The following CDC42BPB variants were observed in gnomAD, a reference collection of about 807,000 sequenced individuals.
CDC42BPB encodes the protein serine/threonine-protein kinase MRCK beta.
In CDC42BPB, 37 loss-of-function variants were observed where a neutral mutation model predicts 214.9. The observed-to-expected ratio is 0.17, with a 90% confidence interval of 0.13 to 0.23. The LOEUF is 0.23. Among genes scored for constraint, CDC42BPB ranks in the 10% least tolerant of loss-of-function variants. The pLI, the probability that CDC42BPB is intolerant of heterozygous loss-of-function variation, is 1.00. For synonymous variants in CDC42BPB, 931 were observed against 884.0 expected (o/e 1.05, Z -0.94); for missense variants, 1,694 against 2,227.0 (o/e 0.76, Z 4.82).
At position 102,943,497 on chromosome 14, in the gene CDC42BPB, A is replaced by G. The variant is rs140111728; in HGVS notation, c.4408+394T>C. On this transcript the variant is annotated intron_variant, in intron 30 of 36. Transcript: ENST00000361246. The surrounding 1 kb of genome is among the most constrained non-coding windows in gnomAD (Gnocchi z 4.6). Reference sequence around the variant, plus strand: ...GGTGAATTATTTTCTGGCCACCAAAACCCCTCAAGCTTGTCTTTACTACTG... The same window carrying G: ...GGTGAATTATTTTCTGGCCACCAAAGCCCCTCAAGCTTGTCTTTACTACTG... 4.0e-5 allele frequency among the ~76,000 whole-genome samples: 6 copies of G among 151,630 alleles called. No individual in the cohort carries two copies. Among genetic ancestry groups the G allele is most frequent in the African/African-American group, 1.2e-4 (5 of 41,320 alleles).
chr14:102,997,539 A>C (rs1205082618), intron 5 of CDC42BPB, among the ~76,000 whole-genome samples: 1 of 152,196 alleles, frequency 6.6e-6, no homozygotes, highest in African/African-American at 2.4e-5. Context: ...AGGACAAATG[A>C]GGAACCAACG....
At chr14:103,036,313 C>T (rs745574826) in intron 1 of CDC42BPB, among the ~76,000 whole-genome samples, 14 of 151,930 alleles carry the variant, frequency 9.2e-5, no homozygotes, top group East Asian at 1.9e-4. Flanking sequence ...CCACCACGCC[C>T]GGCTAATTTT....
intron 5 of CDC42BPB, among the ~76,000 whole-genome samples, chr14:102,987,167 C>A (rs1234633200): frequency 6.6e-6 from 1 of 152,214 alleles, no homozygotes; most frequent in Non-Finnish European, 1.5e-5. Flanking sequence ...CCCCATACCC[C>A]CAAAACTGCA....
At chr14:103,036,309 C>A (rs1037563768) in intron 1 of CDC42BPB, among the ~76,000 whole-genome samples, 1 of 151,860 alleles carries the variant, frequency 6.6e-6, no homozygotes, top group African/African-American at 2.4e-5. Flanking sequence ...CCCGCCACCA[C>A]GCCCGGCTAA....
intron 1 of CDC42BPB, among the ~76,000 whole-genome samples, chr14:103,016,095 C>T (rs1886443836): frequency 6.6e-6 from 1 of 152,212 alleles, no homozygotes; most frequent in Non-Finnish European, 1.5e-5. Flanking sequence ...GGATGGGGTG[C>T]TGCTGGCCGG....
intron 1 of CDC42BPB, among the ~76,000 whole-genome samples, chr14:103,024,500 G>T (rs568573518): frequency 6.6e-6 from 1 of 152,188 alleles, no homozygotes; most frequent in Non-Finnish European, 1.5e-5. Context: ...AGTAAATAAG[G>T]TTCAAAGGAG....
intron 26 of CDC42BPB, among the ~76,000 whole-genome samples, chr14:102,949,188 T>C (rs1892363887): frequency 6.6e-6 from 1 of 152,190 alleles, no homozygotes; most frequent in Non-Finnish European, 1.5e-5. Flanking sequence ...ACATTCCACA[T>C]GCCAGTAACA....
Position 102,944,036 on chromosome 14 carries a change from T to G in CDC42BPB, c.4263A>C (p.Gln1421His). 1 of 1,613,466 alleles carries G rather than the reference T, an allele frequency of 6.2e-7. No homozygotes were observed. Among genetic ancestry groups the G allele is most frequent in the Non-Finnish European group, 8.5e-7 (1 of 1,179,994 alleles). The change falls in exon 30 of 37, where the codon CAA becomes CAC. Residue 1421 changes from glutamine to histidine, a missense_variant. Physicochemically the swap from Gln to His is conservative, Grantham distance 24. Coordinates refer to ENST00000361246, the MANE Select transcript of CDC42BPB (RefSeq NM_006035.4). The surrounding 1 kb of genome is among the most constrained non-coding windows in gnomAD (Gnocchi z 6.6). ...PNDPSLAFLS[Q>H]QSFDALCAVE... Reference sequence around the variant, plus strand: ...CAGCACAAAGGGCATCAAAAGACTGTTGTGAGAGGAACGCAAGCGAGGGGT... The same window carrying G: ...CAGCACAAAGGGCATCAAAAGACTGGTGTGAGAGGAACGCAAGCGAGGGGT...
At chr14:103,047,279 CAAAA>C (rs397852207) in intron 1 of CDC42BPB, among the ~76,000 whole-genome samples, 2 of 93,466 alleles carry the variant, frequency 2.1e-5, no homozygotes, top group Middle Eastern at 0.012. Flanking sequence ...GTAATACTCT[CAAAA>C]AAAAAAAAAA....
At chr14:102,983,368 G>A (rs950900231) in intron 7 of CDC42BPB, among the ~76,000 whole-genome samples, 188 bp downstream of exon 7, 4 of 151,890 alleles carry the variant, frequency 2.6e-5, no homozygotes, top group Non-Finnish European at 5.9e-5. Context: ...TCCTGGTGCC[G>A]ACCCCGCCTC....
At chr14:103,037,078 G>A (rs1045045840) in intron 1 of CDC42BPB, among the ~76,000 whole-genome samples, 5 of 150,404 alleles carry the variant, frequency 3.3e-5, no homozygotes, top group Admixed American at 2.6e-4. Context: ...GAGCCACCAC[G>A]TCTGGCCATC....
chr14:103,043,135 T>C (rs896479147), intron 1 of CDC42BPB, among the ~76,000 whole-genome samples: 1 of 152,000 alleles, frequency 6.6e-6, no homozygotes, highest in African/African-American at 2.4e-5. Context: ...TCCCAGCTAT[T>C]TGGGAGGCTG....
chr14:102,959,930 G>A, intron 20 of CDC42BPB: 1 of 786,004 alleles, frequency 1.3e-6, no homozygotes, highest in South Asian at 5.8e-5. Flanking sequence ...CAAGGGACTG[G>A]GTGCGGTGGC....
chr14:102,991,789 AATTATTTGAAAC>A (rs1894505577), intron 5 of CDC42BPB, among the ~76,000 whole-genome samples: 1 of 152,194 alleles, frequency 6.6e-6, no homozygotes, highest in Admixed American at 6.5e-5. Flanking sequence ...TTAAGTTTGA[AATTATTTGAAAC>A]ATTATTTAAA....
chr14:103,043,563 C>T lies in CDC42BPB; in HGVS notation c.175+13436G>A, dbSNP rs1445224941. Among the ~76,000 whole-genome samples, 5 of 151,972 alleles carry T rather than the reference C, an allele frequency of 3.3e-5. No individual in the cohort carries two copies. In the East Asian group the frequency reaches 5.8e-4, roughly 18 times the overall value. ...GCTAAAGGTTACAGGGTTCCTTTGG[C>T]GGTGATGGCGAAGATGGTTGCATGA... On this transcript the variant is annotated intron_variant, in intron 1 of 36. Coordinates refer to ENST00000361246, the MANE Select transcript of CDC42BPB (RefSeq NM_006035.4).
In CDC42BPB at chr14:102,969,290, G is replaced by A. The variant is rs371676830; in HGVS notation, c.1996-574C>T. Among the ~76,000 whole-genome samples, 92 of 152,284 alleles carry A rather than the reference G, an allele frequency of 6.0e-4. 1 individual carries two copies. The highest frequency in any genetic ancestry group is 2.1e-3 in the African/African-American group (86 of 41,570). ...GAGAGGCCAGTGTGTCTGGTGTGGCGGGGCAAGGAGGGGCAGGAGAGGCAC... is the reference window on the plus strand; with the variant it reads ...GAGAGGCCAGTGTGTCTGGTGTGGCAGGGCAAGGAGGGGCAGGAGAGGCAC... On this transcript the variant is annotated intron_variant, in intron 14 of 36. Transcript: ENST00000361246.
intron 12 of CDC42BPB, 26 bp downstream of exon 12, chr14:102,973,990 T>C: frequency 6.3e-7 from 1 of 1,584,804 alleles, no homozygotes; most frequent in Non-Finnish European, 8.6e-7. Flanking sequence ...CCGTAAGCCT[T>C]TCTCACCCCA....
chr14:102,947,506 G>A (rs571070660), intron 27 of CDC42BPB, among the ~76,000 whole-genome samples: 5 of 152,164 alleles, frequency 3.3e-5, no homozygotes, highest in Non-Finnish European at 5.9e-5. Context: ...GTGAAGAGGG[G>A]TGTCTGGGAA....
At chr14:102,950,656 C>T (rs1892446257) in intron 24 of CDC42BPB, 54 bp from the exon 25 acceptor site, 1 of 1,473,688 alleles carries the variant, frequency 6.8e-7, no homozygotes, top group South Asian at 1.4e-5. Context: ...AGAGAAGTCA[C>T]TGCAGAACCT....
Sources: allele counts gnomAD v4.1 joint callset (sites outside exome capture counted in the v4.1 genomes callset), GRCh38; gene constraint gnomAD v4.1.1; non-coding constraint Gnocchi (gnomAD v3.1); transcripts MANE v1.5; gene names NCBI Gene and HGNC (gene_info 2026-07-23, HGNC 2026-07-21).